CCDC172: variants seen among roughly 807,000 people sequenced by gnomAD.
CCDC172 encodes coiled-coil domain-containing protein 172.
Under a neutral mutation model 38.0 loss-of-function variants are expected in CCDC172, and 30 were observed. That is an observed-to-expected ratio of 0.79 (90% confidence interval 0.59 to 1.07). The LOEUF is 1.07. Among genes scored for constraint, CCDC172 ranks in the 50% least tolerant of loss-of-function variants. The pLI, the probability that CCDC172 is intolerant of heterozygous loss-of-function variation, is 0.00. For synonymous variants in CCDC172, 78 were observed against 88.3 expected (o/e 0.88, Z 0.66); for missense variants, 297 against 290.1 (o/e 1.02, Z -0.17).
intron 3 of CCDC172, among the ~76,000 whole-genome samples, chr10:116,328,863 T>G (rs1844622448): frequency 6.6e-6 from 1 of 152,190 alleles, no homozygotes; most frequent in African/African-American, 2.4e-5. Context: ...AATCACAAAT[T>G]ATTATCATTT....
rs538723317 is a variant in CCDC172 at position 116,324,952 on chromosome 10, T to C, written c.-60T>C. ...TTCTTTATTCTGCTTTCCAGGATCC[T>C]CAGAGTTGGTTATAAAATATTTAAG... On this transcript the variant is annotated 5_prime_UTR_variant, in exon 2 of 9. Transcript: ENST00000333254. The C allele has an allele frequency of 1.5e-6, 2 of 1,356,078 alleles. No homozygotes were observed. The highest frequency in any genetic ancestry group is 1.4e-5 in the African/African-American group (1 of 69,984). The allele number at this position is 1,356,078 out of a possible 1,614,324, so 84.0% of individuals were successfully genotyped here. A position where few individuals can be genotyped will look rare whatever the true frequency, so the allele number is the denominator to read the frequency against.
intron 5 of CCDC172, among the ~76,000 whole-genome samples, chr10:116,352,828 A>G (rs1401254189): frequency 1.3e-5 from 2 of 152,216 alleles, no homozygotes; most frequent in South Asian, 4.1e-4. Flanking sequence ...GAAGAGGTAA[A>G]GCTATCTCTA....
intron 3 of CCDC172, among the ~76,000 whole-genome samples, chr10:116,337,110 C>CA (rs1041004132): frequency 1.3e-5 from 2 of 150,966 alleles, no homozygotes; most frequent in Non-Finnish European, 2.9e-5. Flanking sequence ...TAGAATTTTC[C>CA]AAAACAGCAG....
Position 116,342,094 on chromosome 10 carries a change from A to G in CCDC172, c.341A>G (p.Asp114Gly). The G allele has an allele frequency of 6.5e-7, 1 of 1,543,806 alleles. No homozygotes were observed. Among genetic ancestry groups the G allele is most frequent in the Non-Finnish European group, 8.7e-7 (1 of 1,151,080 alleles). Residue 114 changes from aspartate (D) to glycine (G), a missense_variant, in exon 5 of 9, where the codon GAC (aspartate) becomes GGC (glycine). Transcript: ENST00000333254. Reference protein sequence around the residue: ...EEDKFIKEITDFNNDYEITKK... With the variant: ...EEDKFIKEITGFNNDYEITKK... ...GACAAATTTATTAAGGAAATTACAGACTTTAATAATGATTATGAAATAACA... is the reference window on the plus strand; with the variant it reads ...GACAAATTTATTAAGGAAATTACAGGCTTTAATAATGATTATGAAATAACA...
intron 5 of CCDC172, among the ~76,000 whole-genome samples, chr10:116,350,524 A>G (rs191924859): frequency 8.7e-4 from 132 of 152,352 alleles, no homozygotes; most frequent in Non-Finnish European, 1.5e-3. Flanking sequence ...TAAAATGAAT[A>G]TTTATTTTAA....
chr10:116,362,118 A>C (rs1845072275), intron 7 of CCDC172, among the ~76,000 whole-genome samples: 1 of 152,196 alleles, frequency 6.6e-6, no homozygotes, highest in African/African-American at 2.4e-5. Flanking sequence ...TGAACCTGAG[A>C]GGCAGAGCTT....
chr10:116,352,773 A>G (rs1441740985), intron 5 of CCDC172, among the ~76,000 whole-genome samples: 1 of 151,454 alleles, frequency 6.6e-6, no homozygotes, highest in Non-Finnish European at 1.5e-5. Context: ...CAGAGCAATT[A>G]GGAAAAAAAA....
At chr10:116,371,894 C>G (rs917660974) in intron 7 of CCDC172, among the ~76,000 whole-genome samples, 1 of 152,084 alleles carries the variant, frequency 6.6e-6, no homozygotes, top group Non-Finnish European at 1.5e-5. Flanking sequence ...ATTTCTTCCA[C>G]CATACAGAAG....
intron 5 of CCDC172, among the ~76,000 whole-genome samples, chr10:116,356,614 A>G (rs1446169548): frequency 6.6e-6 from 1 of 152,206 alleles, no homozygotes; most frequent in East Asian, 1.9e-4. Flanking sequence ...TCCAGAAATT[A>G]TGGCAGAAGA....
chr10:116,361,915 G>GT (rs1845069968), intron 7 of CCDC172, among the ~76,000 whole-genome samples: 1 of 152,206 alleles, frequency 6.6e-6, no homozygotes, highest in Non-Finnish European at 1.5e-5. Flanking sequence ...CGGGCCAGGT[G>GT]TGGTGGCTCA....
At chr10:116,355,162 A>G (rs1428895983) in intron 5 of CCDC172, among the ~76,000 whole-genome samples, 2 of 152,206 alleles carry the variant, frequency 1.3e-5, no homozygotes, top group African/African-American at 4.8e-5. Flanking sequence ...CTCACCACTC[A>G]TTGACTCACT....
intron 5 of CCDC172, among the ~76,000 whole-genome samples, chr10:116,343,107 A>C (rs1338621451): frequency 6.6e-6 from 1 of 152,126 alleles, no homozygotes; most frequent in African/African-American, 2.4e-5. Flanking sequence ...AGGGAAAGTC[A>C]AGGATAAATC....
In CCDC172 at chr10:116,324,979, G is replaced by A; in HGVS notation, c.-33G>A. The A allele has an allele frequency of 1.3e-6, 2 of 1,565,724 alleles. No individual in the cohort carries two copies. Among genetic ancestry groups the A allele is most frequent in the Non-Finnish European group, 1.8e-6 (2 of 1,136,166 alleles). On this transcript the variant is annotated 5_prime_UTR_variant, in exon 2 of 9. Coordinates refer to ENST00000333254, the MANE Select transcript of CCDC172 (RefSeq NM_198515.3). ...AGAGTTGGTTATAAAATATTTAAGG[G>A]CGAGAAAAGGATCGCAGGAGCCAGG... is the stretch of plus-strand genomic sequence containing the variant.
Position 116,355,095 on chromosome 10 carries a change from C to G in CCDC172, c.449-2285C>G, listed in dbSNP as rs1027838640. 2.0e-5 allele frequency among the ~76,000 whole-genome samples: 3 copies of G among 152,076 alleles called. No individual in the cohort carries two copies. In the South Asian group the frequency reaches 6.2e-4, roughly 32 times the overall value. ...TATTTTTAAAGTAGTGTAGCCTAAG[C>G]GTAGTGTTGATAATGTCTAGAGCAG... On this transcript the variant is annotated intron_variant, in intron 5 of 8. Transcript: ENST00000333254.
intron 5 of CCDC172, among the ~76,000 whole-genome samples, chr10:116,342,646 G>T (rs1241115543): frequency 3.3e-5 from 5 of 152,134 alleles, no homozygotes; most frequent in African/African-American, 1.2e-4. Context: ...GTGAAGGTTT[G>T]GGTCTGTGTC....
At position 116,343,514 on chromosome 10, in the gene CCDC172, CGTT is replaced by C. The variant is rs1340664823; in HGVS notation, c.448+1314_448+1316del. Among the ~76,000 whole-genome samples the C allele has an allele frequency of 4.1e-3, 308 of 74,308 alleles. 2 individuals are homozygous for C. The highest frequency in any genetic ancestry group is 9.6e-3 in the African/African-American group (198 of 20,638). 48.7% of individuals were successfully genotyped at this position (74,308 alleles called of 152,430 possible). On this transcript the variant is annotated intron_variant, in intron 5 of 8. Transcript: ENST00000333254. The stretch of plus-strand genomic sequence containing the variant: ...CTCCTATTTCCCTTCTCTGATCATT[CGTT>C]TTTTTTTTTTTTTTTAAAAAAATAT...
chr10:116,328,444 C>A (rs1467232189), intron 3 of CCDC172, among the ~76,000 whole-genome samples: 1 of 152,002 alleles, frequency 6.6e-6, no homozygotes, highest in Non-Finnish European at 1.5e-5. Context: ...TTGGTAGTTT[C>A]TTTTAAACAT....
chr10:116,328,794 A>G (rs1256634388), intron 3 of CCDC172, among the ~76,000 whole-genome samples: 1 of 152,148 alleles, frequency 6.6e-6, no homozygotes, highest in Non-Finnish European at 1.5e-5. Context: ...GGAAACCTCC[A>G]GAACAGCAGG....
At chr10:116,359,951 G>A (rs951627500) in intron 7 of CCDC172, among the ~76,000 whole-genome samples, 13 of 152,148 alleles carry the variant, frequency 8.5e-5, no homozygotes, top group African/African-American at 2.9e-4. Flanking sequence ...TCACAGTTTA[G>A]TGGTCTCTGC....
Sources: allele counts gnomAD v4.1 joint callset (sites outside exome capture counted in the v4.1 genomes callset), GRCh38; gene constraint gnomAD v4.1.1; transcripts MANE v1.5; gene names NCBI Gene and HGNC (gene_info 2026-07-23, HGNC 2026-07-21).